Variants in NRK observed in about 807,000 individuals in gnomAD.
The protein encoded by NRK is nik-related protein kinase.
NRK carries 67 observed loss-of-function variants against 125.2 expected under a neutral mutation model. That is an observed-to-expected ratio of 0.54 (90% CI 0.44 to 0.66). The LOEUF is 0.66. Ranked by LOEUF, NRK falls within the 30% of genes least tolerant of loss-of-function variation. The pLI is 0.00. For missense variants in NRK, 1,224 were observed against 1,192.9 expected, an observed-to-expected ratio of 1.03 and a Z score of -0.38; for synonymous variants, 458 against 429.0, an observed-to-expected ratio of 1.07 and a Z score of -0.84.
At chrX:105,923,008 C>A (rs1398388363) in intron 17 of NRK, 110 bp from the exon 18 acceptor site, 1 of 829,341 alleles carries the variant, frequency 1.2e-6, no homozygotes, top group Non-Finnish European at 1.7e-6. Flanking sequence ...GAGTGAACAT[C>A]CTTGTTTCAG....
At chrX:105,884,338 C>CT (rs34830401) in intron 4 of NRK, among the ~76,000 whole-genome samples, 1,588 of 102,647 alleles carry the variant, frequency 0.015, 25 homozygotes, top group African/African-American at 0.047. Flanking sequence ...ACATTGCAAA[C>CT]TTTTTTTTTT....
In NRK at chrX:105,957,944, T is replaced by A. The variant is rs1400405038; in HGVS notation, c.*2344T>A. 1 of 112,172 alleles carries A rather than the reference T, an allele frequency of 8.9e-6. No homozygotes were observed. The highest frequency in any genetic ancestry group is 1.9e-5 in the Non-Finnish European group (1 of 53,283). The allele number at this position is 112,172 out of a possible 1,213,427, so 9.2% of individuals were successfully genotyped here. ...GACAGAAGAAATTATATCTATACATTACCTTGTAGCAGCAGTACCTGGAAG... is the reference window on the plus strand; with the variant it reads ...GACAGAAGAAATTATATCTATACATAACCTTGTAGCAGCAGTACCTGGAAG... On this transcript the variant is annotated 3_prime_UTR_variant, in exon 29 of 29. Transcript: ENST00000243300.
chrX:105,868,130 T>C (rs1464852117), intron 2 of NRK, among the ~76,000 whole-genome samples: 1 of 111,566 alleles, frequency 9.0e-6, no homozygotes, highest in Non-Finnish European at 1.9e-5. Flanking sequence ...AATACTTACA[T>C]ATGCAGGTAG....
At chrX:105,853,018 C>G (rs1247001099) in intron 2 of NRK, among the ~76,000 whole-genome samples, 1 of 111,849 alleles carries the variant, frequency 8.9e-6, no homozygotes, top group Non-Finnish European at 1.9e-5. Flanking sequence ...TCTGGCTTAC[C>G]AGTTTCTTCC....
At chrX:105,874,400 C>G (rs2039787686) in intron 2 of NRK, among the ~76,000 whole-genome samples, 1 of 111,989 alleles carries the variant, frequency 8.9e-6, no homozygotes, top group African/African-American at 3.2e-5. Context: ...TCTCAGGTGA[C>G]CAAGACACTG....
intron 2 of NRK, among the ~76,000 whole-genome samples, chrX:105,870,110 A>G (rs991753816): frequency 4.5e-5 from 5 of 111,725 alleles, no homozygotes; most frequent in Non-Finnish European, 9.4e-5. Flanking sequence ...AAAATCCTGA[A>G]TATGTAAGTC....
chrX:105,952,893 T>TAC, intron 27 of NRK, 141 bp from the exon 28 acceptor site: 1 of 464,920 alleles, frequency 2.2e-6, no homozygotes, highest in Non-Finnish European at 3.3e-6. Context: ...AACAACTGAC[T>TAC]ACAGGAGGGA....
chrX:105,932,663 A>C (rs977695306), intron 19 of NRK, among the ~76,000 whole-genome samples: 6 of 111,503 alleles, frequency 5.4e-5, no homozygotes, highest in Non-Finnish European at 9.4e-5. Context: ...CTACTCCCCT[A>C]GCCTATTTTC....
chrX:105,852,181 C>T (rs1051166527), intron 2 of NRK, among the ~76,000 whole-genome samples: 47 of 111,356 alleles, frequency 4.2e-4, no homozygotes, highest in African/African-American at 1.4e-3. Flanking sequence ...GAAGTGACTT[C>T]GGGTCAAATA....
At chrX:105,948,590 C>A (rs1440891570) in intron 26 of NRK, 2 of 458,941 alleles carry the variant, frequency 4.4e-6, no homozygotes, top group Middle Eastern at 3.4e-4. Flanking sequence ...TTCTTTCCTG[C>A]AATTTCTTTT....
At chrX:105,891,574 A>G (rs953436537) in intron 5 of NRK, among the ~76,000 whole-genome samples, 1 of 111,758 alleles carries the variant, frequency 8.9e-6, no homozygotes, top group Non-Finnish European at 1.9e-5. Flanking sequence ...GTTTTCAACA[A>G]GGGGTGGAAT....
Position 105,923,364 on chromosome X carries a change from G to A in NRK, c.2857G>A (p.Asp953Asn), listed in dbSNP as rs1222317671. The A allele has an allele frequency of 8.6e-7, 1 of 1,167,442 alleles. No individual in the cohort carries two copies. The highest frequency in any genetic ancestry group is 2.6e-5 in the Admixed American group (1 of 39,092). The change falls in exon 18 of 29, where the codon GAT becomes AAT. Residue 953 changes from aspartate (D) to asparagine (N), a missense_variant. Transcript: ENST00000243300. ...TACCTATGATCATGCCAATGGCAAT[G>A]ATGACTTGGATAACCAGGTTGATCA... ...EDTYDHANGN[D>N]DLDNQVDQAN...
chrX:105,937,376 G>C, intron 21 of NRK, 63 bp from the exon 22 acceptor site: 1 of 579,821 alleles, frequency 1.7e-6, no homozygotes, highest in Non-Finnish European at 2.7e-6. Flanking sequence ...AGCAAAAATA[G>C]TAATATAGAT....
At chrX:105,889,594 T>C (rs749478810) in intron 5 of NRK, among the ~76,000 whole-genome samples, 206 of 112,662 alleles carry the variant, frequency 1.8e-3, no homozygotes, top group African/African-American at 6.5e-3. Context: ...AACTTCGGCC[T>C]GGACATTCAG....
intron 2 of NRK, among the ~76,000 whole-genome samples, chrX:105,877,696 C>G (rs2039833153): frequency 9.0e-6 from 1 of 111,083 alleles, no homozygotes; most frequent in Non-Finnish European, 1.9e-5. Flanking sequence ...CATATTAACT[C>G]AGTACATGGT....
intron 2 of NRK, among the ~76,000 whole-genome samples, chrX:105,848,084 C>G (rs2039424600): frequency 8.9e-6 from 1 of 111,806 alleles, no homozygotes; most frequent in South Asian, 3.8e-4. Context: ...TTTTAATATT[C>G]ACTACTCTGA....
At chrX:105,850,334 C>G (rs1168931689) in intron 2 of NRK, among the ~76,000 whole-genome samples, 2 of 111,683 alleles carry the variant, frequency 1.8e-5, no homozygotes, top group Non-Finnish European at 3.8e-5. Context: ...CACAAAACCA[C>G]TTTTTCCTCC....
At chrX:105,864,418 T>TA (rs1031465728) in intron 2 of NRK, among the ~76,000 whole-genome samples, 2 of 111,060 alleles carry the variant, frequency 1.8e-5, no homozygotes, top group East Asian at 2.8e-4. Flanking sequence ...TCTTTTAAAA[T>TA]AAAAAAAATT....
intron 4 of NRK, among the ~76,000 whole-genome samples, chrX:105,887,234 A>C (rs2039958820): frequency 8.9e-6 from 1 of 112,342 alleles, no homozygotes; most frequent in Non-Finnish European, 1.9e-5. Flanking sequence ...CTTACAATTC[A>C]GTAATAAAAT....
Sources: allele counts gnomAD v4.1 joint callset (sites outside exome capture counted in the v4.1 genomes callset), GRCh38; gene constraint gnomAD v4.1.1; transcripts MANE v1.5; gene names NCBI Gene and HGNC (gene_info 2026-07-23, HGNC 2026-07-21).